The following PGLYRP3 variants were observed in gnomAD, a reference collection of about 807,000 sequenced individuals.
PGLYRP3 encodes peptidoglycan recognition protein 3.
A neutral mutation model predicts 36.0 loss-of-function variants in PGLYRP3; 39 were observed. That is an observed-to-expected ratio of 1.08 (90% confidence interval 0.84 to 1.41). The LOEUF (loss-of-function observed/expected upper bound fraction) is 1.41, where lower values mean the gene tolerates loss of function less well. PGLYRP3 is among the 40% of genes most tolerant of loss of function. PGLYRP3 has a pLI of 0.00. For missense variants in PGLYRP3, 407 were observed against 427.9 expected, an observed-to-expected ratio of 0.95 and a Z score of 0.43; for synonymous variants, 204 against 172.8, an observed-to-expected ratio of 1.18 and a Z score of -1.42.
rs1260045926 is a variant in PGLYRP3, at chr1:153,303,908, G to A, written c.478C>T (p.Leu160=). The change falls in exon 5 of 8, where the codon CTG becomes TTG. Residue 160 remains leucine (L), a synonymous_variant. Transcript: ENST00000683862. The part of the protein sequence containing the change: ...LSPRYIQPLL[L]KEETCLDPQH... ...GGGTCCAGGCAGGTCTCTTCTTTCA[G>A]AAGAAGTGGCTGAATATACCTGGGC... 1 of 1,613,364 alleles carries A rather than the reference G, an allele frequency of 6.2e-7. No individual in the cohort carries two copies. Among genetic ancestry groups the A allele is most frequent in the Non-Finnish European group, 8.5e-7 (1 of 1,179,954 alleles).
At position 153,307,069 on chromosome 1, in the gene PGLYRP3, T is replaced by G; in HGVS notation, c.254A>C (p.Tyr85Ser). 1 of 1,613,580 alleles carries G rather than the reference T, an allele frequency of 6.2e-7. No individual in the cohort carries two copies. The highest frequency in any genetic ancestry group is 1.7e-5 in the Admixed American group (1 of 59,962). ...VYTIGWCDVA[Y>S]NFLVGDDGRV... Reference sequence around the variant, plus strand: ...AGGGACTTGGCTAGCCTCTTACTTGTACGCCACGTCGCACCAGCCTATGGT... The same window carrying G: ...AGGGACTTGGCTAGCCTCTTACTTGGACGCCACGTCGCACCAGCCTATGGT... Residue 85 changes from tyrosine (Y) to serine (S), a missense_variant, in exon 3 of 8, where the codon TAC (tyrosine) becomes TCC (serine). Physicochemically the swap from Tyr to Ser is moderately radical, Grantham distance 144. Coordinates refer to ENST00000683862, the MANE Select transcript of PGLYRP3 (RefSeq NM_052891.3).
chr1:153,297,946 G>GGGGC lies in PGLYRP3; in HGVS notation c.*6_*9dup. The GGGGC allele has an allele frequency of 6.2e-7, 1 of 1,612,988 alleles. No homozygotes were observed. Among genetic ancestry groups the GGGGC allele is most frequent in the African/African-American group, 1.3e-5 (1 of 74,966 alleles). On this transcript the variant is annotated 3_prime_UTR_variant, in exon 8 of 8. Coordinates refer to ENST00000683862, the MANE Select transcript of PGLYRP3 (RefSeq NM_052891.3). ...GAGGGAGGGCAGTCTCAAAGGGAGT[G>GGGGC]GGGCCTCCTTCAGTGCTTGAAATGA...
chr1:153,307,018 C>A, intron 3 of PGLYRP3, 48 bp downstream of exon 3: 1 of 1,574,638 alleles, frequency 6.4e-7, no homozygotes, highest in Non-Finnish European at 8.7e-7. Context: ...GTGGGAAGCA[C>A]CCCCGTGACT....
At chr1:153,304,573 T>C (rs1227342499) in intron 4 of PGLYRP3, among the ~76,000 whole-genome samples, 2 of 142,122 alleles carry the variant, frequency 1.4e-5, no homozygotes, top group African/African-American at 5.3e-5. Context: ...CCAGATTTCC[T>C]TGCCTGCTGC....
Position 153,297,716 on chromosome 1 carries a change from G to A in PGLYRP3, c.*240C>T, listed in dbSNP as rs976905967. 1 of 452,524 alleles carries A rather than the reference G, an allele frequency of 2.2e-6. No homozygotes were observed. Among genetic ancestry groups the A allele is most frequent in the Admixed American group, 3.7e-5 (1 of 26,880 alleles). The allele number at this position is 452,524 out of a possible 1,614,324, so 28.0% of individuals were successfully genotyped here. A position where few individuals can be genotyped will look rare whatever the true frequency, so the allele number is the denominator to read the frequency against. ...CCTGACTGAGGAGGTAAGTGCCCAG[G>A]GGAGAGGTAGGTAAAAGAGAGGGGA... On this transcript the variant is annotated 3_prime_UTR_variant, in exon 8 of 8. Transcript: ENST00000683862.
chr1:153,308,284 G>T (rs1419188227), intron 2 of PGLYRP3, among the ~76,000 whole-genome samples: 1 of 152,096 alleles, frequency 6.6e-6, no homozygotes, highest in South Asian at 2.1e-4. Flanking sequence ...GTGAGCCACC[G>T]CGCCCAGCCT....
chr1:153,299,962 C>T (rs1659544782), intron 6 of PGLYRP3, among the ~76,000 whole-genome samples: 1 of 152,206 alleles, frequency 6.6e-6, no homozygotes, highest in African/African-American at 2.4e-5. Context: ...GCTTCCTGCC[C>T]AGAGTTTTGC....
chr1:153,298,198 A>G (rs1227825142), intron 7 of PGLYRP3, 64 bp from the exon 8 acceptor site: 2 of 1,543,842 alleles, frequency 1.3e-6, no homozygotes, highest in Admixed American at 3.6e-5. Context: ...GGGAAGGGAC[A>G]AGCACCTAGA....
At chr1:153,299,022 A>G in intron 7 of PGLYRP3, 91 bp downstream of exon 7, 1 of 991,912 alleles carries the variant, frequency 1.0e-6, no homozygotes. Context: ...ACTGCCAGGC[A>G]CTACAGGGCT....
Position 153,302,596 on chromosome 1 carries a change from T to C in PGLYRP3, c.541A>G (p.Ile181Val), listed in dbSNP as rs1659626338. 6.2e-7 allele frequency: 1 copy of C among 1,614,128 alleles called. No homozygotes were observed. The highest frequency in any genetic ancestry group is 8.5e-7 in the Non-Finnish European group (1 of 1,180,032). The change falls in exon 6 of 8, where the codon ATC becomes GTC. Residue 181 changes from isoleucine (I) to valine (V), a missense_variant. Transcript: ENST00000683862. The stretch of plus-strand genomic sequence containing the variant: ...GCTTCCCAAGCAGATCGTTTGATGA[T>C]GTTGGGGCAAACTGTGGTAAAATGA... ...PVMPRKVCPN[I>V]IKRSAWEARE...
At chr1:153,306,664 A>G (rs1571105856) in intron 3 of PGLYRP3, among the ~76,000 whole-genome samples, 1 of 151,904 alleles carries the variant, frequency 6.6e-6, no homozygotes, top group African/African-American at 2.4e-5. Flanking sequence ...ATTCCCCCAA[A>G]CCATGGCTTT....
At chr1:153,307,934 T>C (rs1659791545) in intron 2 of PGLYRP3, among the ~76,000 whole-genome samples, 1 of 152,052 alleles carries the variant, frequency 6.6e-6, no homozygotes. Context: ...ATGGAGACAC[T>C]GTCATGCTGG....
chr1:153,300,832 CTG>C (rs947950724), intron 6 of PGLYRP3, among the ~76,000 whole-genome samples: 1 of 152,190 alleles, frequency 6.6e-6, no homozygotes, highest in Non-Finnish European at 1.5e-5. Flanking sequence ...TTGGATATGC[CTG>C]TGGTTCCTGT....
intron 6 of PGLYRP3, among the ~76,000 whole-genome samples, chr1:153,300,341 A>C (rs970425027): frequency 6.6e-6 from 1 of 151,990 alleles, no homozygotes; most frequent in African/African-American, 2.4e-5. Context: ...ACCCCCCACA[A>C]AGCCTTGATT....
At chr1:153,310,743 A>C (rs1659875380) in intron 1 of PGLYRP3, 37 bp from the exon 2 acceptor site, 1 of 1,326,400 alleles carries the variant, frequency 7.5e-7, no homozygotes, top group Admixed American at 1.8e-5. Context: ...AACCATGCTA[A>C]CTCTGCAAGT....
At chr1:153,310,013 G>A (rs1659856540) in intron 2 of PGLYRP3, among the ~76,000 whole-genome samples, 1 of 152,198 alleles carries the variant, frequency 6.6e-6, no homozygotes, top group Admixed American at 6.5e-5. Context: ...AAGGGGGTCT[G>A]TGTATGTAAA....
chr1:153,310,797 C>CATCCTGT (rs1659876798), intron 1 of PGLYRP3, 91 bp from the exon 2 acceptor site: 11 of 825,108 alleles, frequency 1.3e-5, no homozygotes, highest in Admixed American at 4.7e-5. Context: ...GCCTCCCCTA[C>CATCCTGT]CATCCTGTGG....
intron 4 of PGLYRP3, 149 bp downstream of exon 4, chr1:153,304,798 T>C: frequency 1.7e-6 from 1 of 591,318 alleles, no homozygotes; most frequent in East Asian, 3.0e-5. Context: ...TGTCACAGGA[T>C]CCAAAGGAGA....
chr1:153,306,176 G>A (rs971279763), intron 3 of PGLYRP3, among the ~76,000 whole-genome samples: 2 of 152,142 alleles, frequency 1.3e-5, no homozygotes, highest in Non-Finnish European at 2.9e-5. Flanking sequence ...GCCTGCAGCT[G>A]CTCTTATTTA....
Sources: allele counts gnomAD v4.1 joint callset (sites outside exome capture counted in the v4.1 genomes callset), GRCh38; gene constraint gnomAD v4.1.1; transcripts MANE v1.5; gene names NCBI Gene and HGNC (gene_info 2026-07-23, HGNC 2026-07-21).